ADAMTS17: variants seen among roughly 807,000 people sequenced by gnomAD.
ADAMTS17 encodes the protein A disintegrin and metalloproteinase with thrombospondin motifs 17.
ADAMTS17 carries 113 observed loss-of-function variants against 141.5 expected under a neutral mutation model. That is an observed-to-expected ratio of 0.80 (90% CI 0.69 to 0.93). The LOEUF (loss-of-function observed/expected upper bound fraction) is 0.93, where lower values mean the gene tolerates loss of function less well. Ranked by LOEUF, ADAMTS17 falls within the 40% of genes least tolerant of loss-of-function variation. The probability of loss-of-function intolerance (pLI) is 0.00; values close to 1 mark genes in which losing one functional copy is unlikely to be tolerated. For synonymous variants in ADAMTS17, 768 were observed against 630.6 expected (o/e 1.22, Z -3.27); for missense variants, 1,659 against 1,517.9 (o/e 1.09, Z -1.54).
intron 7 of ADAMTS17, among the ~76,000 whole-genome samples, chr15:100,205,452 A>T (rs554375183): frequency 1.1e-4 from 17 of 152,324 alleles, no homozygotes; most frequent in African/African-American, 4.1e-4. Context: ...GCATGGAGAT[A>T]TCGTGCAGAT....
chr15:100,200,988 G>A (rs376587665), intron 7 of ADAMTS17, among the ~76,000 whole-genome samples: 2 of 152,236 alleles, frequency 1.3e-5, no homozygotes, highest in Admixed American at 6.5e-5. Context: ...GGTGTCTCAG[G>A]AGGGAAGGAG....
chr15:100,161,852 G>A (rs2039705865), intron 8 of ADAMTS17, among the ~76,000 whole-genome samples: 1 of 152,148 alleles, frequency 6.6e-6, no homozygotes, highest in African/African-American at 2.4e-5. Context: ...AAACAAATAG[G>A]CAGCAATAGC....
At chr15:100,152,332 C>T (rs955068696) in intron 10 of ADAMTS17, among the ~76,000 whole-genome samples, 3 of 152,006 alleles carry the variant, frequency 2.0e-5, no homozygotes, top group Admixed American at 6.5e-5. Context: ...CAAAAGTGCC[C>T]GTGTGGGGGA....
intron 20 of ADAMTS17, among the ~76,000 whole-genome samples, chr15:99,992,511 T>G (rs757052640): frequency 6.6e-6 from 1 of 152,118 alleles, no homozygotes; most frequent in South Asian, 2.1e-4. Flanking sequence ...AACAAAGCAT[T>G]TTCTTACCTG....
chr15:99,974,676 A>C, intron 21 of ADAMTS17, 114 bp from the exon 22 acceptor site: 9 of 1,371,038 alleles, frequency 6.6e-6, no homozygotes, highest in Non-Finnish European at 9.3e-6. Context: ...CCTCGTGCAC[A>C]CGTCAACCCT....
At chr15:100,169,445 T>C (rs1454292548) in intron 8 of ADAMTS17, among the ~76,000 whole-genome samples, 2 of 152,238 alleles carry the variant, frequency 1.3e-5, no homozygotes, top group Non-Finnish European at 1.5e-5. Context: ...CTGTTTTCAA[T>C]GTGAAAATCA....
rs79293634 is a variant in ADAMTS17, at chr15:100,201,089, T to C, written c.1076-1666A>G. Among the ~76,000 whole-genome samples the C allele has an allele frequency of 5.0e-3, 759 of 152,288 alleles. 6 individuals carry two copies. Among genetic ancestry groups the C allele is most frequent in the African/African-American group, 0.015 (609 of 41,556 alleles). On this transcript the variant is annotated intron_variant, in intron 7 of 21. Coordinates refer to ENST00000268070, the MANE Select transcript of ADAMTS17 (RefSeq NM_139057.4). ...CCCCCAAAGAGCTAAACCAACATCC[T>C]CTTTGCTGATGTCCAAATCAAACTG...
chr15:100,098,479 T>C (rs1452366286), intron 14 of ADAMTS17, among the ~76,000 whole-genome samples: 4 of 151,998 alleles, frequency 2.6e-5, no homozygotes, highest in African/African-American at 9.7e-5. Flanking sequence ...AAACCCCGTC[T>C]CTACTAAAAA....
At chr15:100,248,171 C>A (rs1347274143) in intron 7 of ADAMTS17, among the ~76,000 whole-genome samples, 6 of 152,168 alleles carry the variant, frequency 3.9e-5, no homozygotes, top group Non-Finnish European at 5.9e-5. Context: ...TGTAGGATCA[C>A]CCCTCTCCCT....
intron 4 of ADAMTS17, among the ~76,000 whole-genome samples, chr15:100,273,237 C>G (rs188229299): frequency 4.9e-4 from 75 of 152,164 alleles, no homozygotes; most frequent in Admixed American, 2.3e-3. Flanking sequence ...AGTGTTCTCT[C>G]CTCTTCAGCT....
At chr15:99,990,345 A>G (rs554741251) in intron 20 of ADAMTS17, among the ~76,000 whole-genome samples, 16 of 152,254 alleles carry the variant, frequency 1.1e-4, no homozygotes, top group Admixed American at 4.6e-4. Context: ...CAAAGCACAC[A>G]TATCTTTTGT....
intron 13 of ADAMTS17, among the ~76,000 whole-genome samples, chr15:100,116,573 G>A: frequency 6.6e-6 from 1 of 152,374 alleles, no homozygotes; most frequent in East Asian, 1.9e-4. Flanking sequence ...GGGGCAGGAT[G>A]CCAGCACAGC....
chr15:100,261,671 C>A, intron 5 of ADAMTS17, 35 bp from the exon 6 acceptor site: 1 of 1,603,170 alleles, frequency 6.2e-7, no homozygotes, highest in Non-Finnish European at 8.5e-7. Flanking sequence ...GAGAAACAAA[C>A]GCCTGGGAGG....
intron 10 of ADAMTS17, among the ~76,000 whole-genome samples, chr15:100,147,899 C>G (rs1398609545): frequency 1.3e-5 from 2 of 152,244 alleles, no homozygotes; most frequent in Non-Finnish European, 2.9e-5. Flanking sequence ...TGAGCTAAAG[C>G]CAAGGTGTCA....
intron 2 of ADAMTS17, among the ~76,000 whole-genome samples, chr15:100,332,532 G>T (rs1339699136): frequency 6.6e-6 from 1 of 152,234 alleles, no homozygotes; most frequent in African/African-American, 2.4e-5. Context: ...AGCCCCCCCA[G>T]GATCTAGCAC....
chr15:100,187,398 T>A (rs1284053258), intron 8 of ADAMTS17, among the ~76,000 whole-genome samples: 1 of 152,188 alleles, frequency 6.6e-6, no homozygotes, highest in African/African-American at 2.4e-5. Flanking sequence ...AACTTTACAG[T>A]CACTTTGTAG....
At chr15:100,237,850 C>T (rs1204925199) in intron 7 of ADAMTS17, among the ~76,000 whole-genome samples, 2 of 152,204 alleles carry the variant, frequency 1.3e-5, no homozygotes, top group African/African-American at 2.4e-5. Context: ...TCTCAAACTC[C>T]TGACCTCAGG....
rs373899380 is a variant in ADAMTS17, at chr15:99,974,412, G to C, written c.3278C>G (p.Pro1093Arg). Reference sequence around the variant, plus strand: ...CCTTGGGACTGCGTGTCACGAGTTCGGCGGTGGCTGGCGCATCTTGTTTGC... The same window carrying C: ...CCTTGGGACTGCGTGTCACGAGTTCCGCGGTGGCTGGCGCATCTTGTTTGC... The part of the protein sequence containing the change: ...FYANKMRQPP[P>R]NS The change falls in exon 22 of 22, where the codon CCG (proline) becomes CGG (arginine). Residue 1093 changes from proline (P) to arginine (R), a missense_variant. Transcript: ENST00000268070. 3.7e-6 allele frequency: 6 copies of C among 1,614,030 alleles called. No individual in the cohort carries two copies. The highest frequency in any genetic ancestry group is 5.1e-6 in the Non-Finnish European group (6 of 1,180,042).
chr15:100,098,142 C>T (rs926921943), intron 14 of ADAMTS17, among the ~76,000 whole-genome samples: 1 of 152,134 alleles, frequency 6.6e-6, no homozygotes, highest in East Asian at 1.9e-4. Flanking sequence ...TAACAGTGGG[C>T]TTGATGGTGG....
Sources: allele counts gnomAD v4.1 joint callset (sites outside exome capture counted in the v4.1 genomes callset), GRCh38; gene constraint gnomAD v4.1.1; transcripts MANE v1.5; gene names NCBI Gene and HGNC (gene_info 2026-07-23, HGNC 2026-07-21).